TSPEAR: variants seen among roughly 807,000 people sequenced by gnomAD.
TSPEAR encodes the protein thrombospondin type laminin G domain and EAR repeats.
A neutral mutation model predicts 71.6 loss-of-function variants in TSPEAR; 69 were observed. That is an observed-to-expected ratio of 0.96 (90% CI 0.79 to 1.18). The LOEUF (loss-of-function observed/expected upper bound fraction) is 1.18, where lower values mean the gene tolerates loss of function less well. Ranked by LOEUF, TSPEAR falls within the 50% of genes most tolerant of loss-of-function variation. The probability of loss-of-function intolerance (pLI) is 0.00; values close to 1 mark genes in which losing one functional copy is unlikely to be tolerated. For missense variants in TSPEAR, 971 were observed against 894.9 expected (o/e 1.09, Z -1.09); for synonymous variants, 402 against 387.2 (o/e 1.04, Z -0.45).
chr21:44,709,724 G>A (rs565026418), intron 1 of TSPEAR, among the ~76,000 whole-genome samples: 3 of 152,372 alleles, frequency 2.0e-5, no homozygotes, highest in South Asian at 2.1e-4. Flanking sequence ...CCCAGCCAGC[G>A]GGGCCCACGC....
intron 11 of TSPEAR, 62 bp from the exon 12 acceptor site, chr21:44,499,998 G>C: frequency 6.6e-7 from 1 of 1,511,110 alleles, no homozygotes; most frequent in Non-Finnish European, 8.8e-7. Flanking sequence ...CCTCTCCCCC[G>C]GCTCCCACCC....
At chr21:44,676,303 G>A in intron 1 of TSPEAR, 5 of 1,212,846 alleles carry the variant, frequency 4.1e-6, no homozygotes, top group Middle Eastern at 2.0e-4. Flanking sequence ...GATAGCTGTG[G>A]CTAAAGCTTT....
chr21:44,654,952 C>A (rs1442812597), intron 1 of TSPEAR, among the ~76,000 whole-genome samples: 5 of 152,136 alleles, frequency 3.3e-5, no homozygotes, highest in Admixed American at 2.0e-4. Flanking sequence ...TAAATGCCAT[C>A]TGGAGCTCAC....
intron 1 of TSPEAR, among the ~76,000 whole-genome samples, chr21:44,597,924 A>T (rs1307761155): frequency 1.3e-5 from 2 of 152,162 alleles, no homozygotes; most frequent in Non-Finnish European, 2.9e-5. Flanking sequence ...TCTTTTAAAA[A>T]TCACTTCCTG....
At chr21:44,517,692 G>A (rs1236537823) in intron 9 of TSPEAR, 8 of 461,820 alleles carry the variant, frequency 1.7e-5, no homozygotes, top group East Asian at 7.0e-5. Context: ...TGTGGGAGCC[G>A]TGCATGGCAG....
Position 44,677,444 on chromosome 21 carries a change from A to G in TSPEAR, c.82+33989T>C, listed in dbSNP as rs587685082. 1.8e-5 allele frequency: 16 copies of G among 895,884 alleles called. No homozygotes were observed. In the South Asian group the frequency reaches 2.2e-4, roughly 12 times the overall value. 55.5% of individuals were successfully genotyped at this position (895,884 alleles called of 1,614,324 possible). ...GAGTGACATTTGCAGTTTGCCTCAG[A>G]GCATCTTCAAAGCTCTTGGCTAGAG... On this transcript the variant is annotated intron_variant, in intron 1 of 11. Transcript: ENST00000323084.
intron 8 of TSPEAR, among the ~76,000 whole-genome samples, chr21:44,524,797 T>C (rs1389687805): frequency 6.6e-6 from 1 of 151,558 alleles, no homozygotes; most frequent in African/African-American, 2.4e-5. Flanking sequence ...GAGAGTCAGG[T>C]AGTCATTCAG....
chr21:44,666,705 T>TGGCA, intron 1 of TSPEAR: 1 of 1,613,712 alleles, frequency 6.2e-7, no homozygotes, highest in Non-Finnish European at 8.5e-7. Context: ...CACAGAAGAC[T>TGGCA]GGCAGCTCAC....
chr21:44,532,320 C>A (rs1331136135), intron 3 of TSPEAR, among the ~76,000 whole-genome samples: 1 of 152,268 alleles, frequency 6.6e-6, no homozygotes, highest in African/African-American at 2.4e-5. Context: ...GCTGCCGCCA[C>A]GTCATTCCTA....
intron 1 of TSPEAR, among the ~76,000 whole-genome samples, chr21:44,582,523 G>A (rs1212416091): frequency 5.3e-5 from 8 of 152,208 alleles, no homozygotes; most frequent in African/African-American, 1.7e-4. Flanking sequence ...CTCCTTAATC[G>A]AATGGGTGTG....
intron 9 of TSPEAR, among the ~76,000 whole-genome samples, chr21:44,514,983 A>G (rs1555913180): frequency 6.6e-6 from 1 of 152,084 alleles, no homozygotes; most frequent in Non-Finnish European, 1.5e-5. Flanking sequence ...TGTTTCTGGG[A>G]GAAAGTGAGG....
At chr21:44,512,598 G>C (rs1440910241) in intron 9 of TSPEAR, among the ~76,000 whole-genome samples, 1 of 152,214 alleles carries the variant, frequency 6.6e-6, no homozygotes, top group Non-Finnish European at 1.5e-5. Context: ...GGCTGGTGGA[G>C]ACCCTGGGTT....
intron 1 of TSPEAR, among the ~76,000 whole-genome samples, chr21:44,678,700 A>C (rs1003301544): frequency 6.6e-6 from 1 of 152,216 alleles, no homozygotes; most frequent in Non-Finnish European, 1.5e-5. Flanking sequence ...CTCTTTGCAC[A>C]TGACATGATT....
At chr21:44,505,169 C>G (rs2052164051) in intron 10 of TSPEAR, among the ~76,000 whole-genome samples, 1 of 152,128 alleles carries the variant, frequency 6.6e-6, no homozygotes, top group Admixed American at 6.5e-5. Context: ...ACCTCTGCCT[C>G]TCGGATTCAA....
Position 44,567,973 on chromosome 21 carries a change from C to G in TSPEAR, c.115G>C (p.Val39Leu). The change falls in exon 2 of 12, where the codon GTC (valine) becomes CTC (leucine). Residue 39 changes from valine to leucine, a missense_variant. Val to Leu is a conservative substitution (Grantham distance 32). Transcript: ENST00000323084. ...LRPLDILAEV[V>L]PSDGATSGIR... ...CCGCTTGTGGCGCCATCAGAAGGGA[C>G]CACTTCCGCCAGGATGTCCAGGGGG... is the stretch of plus-strand genomic sequence containing the variant. 2 of 1,555,948 alleles carry G rather than the reference C, an allele frequency of 1.3e-6. No individual in the cohort carries two copies. The highest frequency in any genetic ancestry group is 1.7e-6 in the Non-Finnish European group (2 of 1,145,986).
chr21:44,649,093 AC>A (rs1277505366), intron 1 of TSPEAR, among the ~76,000 whole-genome samples: 1 of 152,176 alleles, frequency 6.6e-6, no homozygotes, highest in Admixed American at 6.5e-5. Context: ...ACCACAGGAA[AC>A]CGCAAAGCTC....
Position 44,499,774 on chromosome 21 carries a change from G to A in TSPEAR, c.*9C>T. 1 of 1,553,738 alleles carries A rather than the reference G, an allele frequency of 6.4e-7. No homozygotes were observed. The highest frequency in any genetic ancestry group is 1.4e-5 in the African/African-American group (1 of 72,880). On this transcript the variant is annotated 3_prime_UTR_variant, in exon 12 of 12. Transcript: ENST00000323084. ...TGGCCACCCCAGTTGCTGCCGGGCA[G>A]CCGCGGCCTCAGCGTGTCCTCAGCC...
intron 1 of TSPEAR, chr21:44,637,667 T>C: frequency 6.5e-7 from 1 of 1,540,898 alleles, no homozygotes; most frequent in Middle Eastern, 1.7e-4. Flanking sequence ...CCAGCCGGAT[T>C]GCTGCACCTC....
chr21:44,607,874 G>A (rs1290818810), intron 1 of TSPEAR, among the ~76,000 whole-genome samples: 1 of 152,192 alleles, frequency 6.6e-6, no homozygotes, highest in Admixed American at 6.5e-5. Context: ...TTACCCAAGA[G>A]AAGTGAAATC....
Sources: allele counts gnomAD v4.1 joint callset (sites outside exome capture counted in the v4.1 genomes callset), GRCh38; gene constraint gnomAD v4.1.1; transcripts MANE v1.5; gene names NCBI Gene and HGNC (gene_info 2026-07-23, HGNC 2026-07-21).